The following TUSC3 variants were observed in gnomAD, a reference collection of about 807,000 sequenced individuals.
TUSC3 encodes the protein tumor suppressor candidate 3, also known as dolichyl-diphosphooligosaccharide--protein glycosyltransferase subunit TUSC3.
In TUSC3, 45 loss-of-function variants were observed where a neutral mutation model predicts 44.8. The ratio of observed to expected loss-of-function variants is 1.00; its 90% CI spans 0.79 to 1.29. TUSC3 has a LOEUF of 1.29. Ranked by LOEUF, TUSC3 falls within the 50% of genes most tolerant of loss-of-function variation. The pLI is 0.00. For synonymous variants in TUSC3, 212 were observed against 152.9 expected, an observed-to-expected ratio of 1.39 and a Z score of -2.85; for missense variants, 519 against 437.9, an observed-to-expected ratio of 1.19 and a Z score of -1.65.
At chr8:15,810,103 G>T in the TUSC3 span, among the ~76,000 whole-genome samples, 1 of 152,090 alleles carries the variant, frequency 6.6e-6, no homozygotes, top group Non-Finnish European at 1.5e-5. Flanking sequence ...CTCATAGTGT[G>T]TCCTTGGACC....
intron 1 of TUSC3, among the ~76,000 whole-genome samples, chr8:15,476,272 C>T (rs1196640413): frequency 1.3e-5 from 2 of 152,170 alleles, no homozygotes; most frequent in East Asian, 1.9e-4. Context: ...ATCATAAATA[C>T]ATTTAATCAC....
the TUSC3 span, among the ~76,000 whole-genome samples, chr8:15,842,989 T>G: frequency 4.6e-5 from 7 of 152,224 alleles, no homozygotes; most frequent in Non-Finnish European, 1.5e-5. Context: ...ATTGTTGTTA[T>G]AGTAATTTGT....
At chr8:15,641,046 G>A (rs930239395) in intron 2 of TUSC3, among the ~76,000 whole-genome samples, 5 of 152,144 alleles carry the variant, frequency 3.3e-5, no homozygotes, top group African/African-American at 9.7e-5. Flanking sequence ...TGTGTGCCAT[G>A]TGTGCTCTGT....
At chr8:15,703,863 C>G (rs544570990) in intron 6 of TUSC3, among the ~76,000 whole-genome samples, 88 of 152,230 alleles carry the variant, frequency 5.8e-4, no homozygotes, top group Admixed American at 5.7e-3. Context: ...GACAAACATA[C>G]AAACCATAGC....
At chr8:15,745,416 T>A (rs1312824182) in intron 8 of TUSC3, among the ~76,000 whole-genome samples, 1 of 152,074 alleles carries the variant, frequency 6.6e-6, no homozygotes, top group Non-Finnish European at 1.5e-5. Context: ...CTAATTTACA[T>A]TCCCGACAAC....
Position 15,558,333 on chromosome 8 carries a change from C to G in TUSC3, c.138+17765C>G, listed in dbSNP as rs1359003979. 4.2e-5 allele frequency among the ~76,000 whole-genome samples: 2 copies of G among 47,316 alleles called. 1 individual carries two copies. The highest frequency in any genetic ancestry group is 9.4e-5 in the African/African-American group (2 of 21,230). The allele number at this position is 47,316 out of a possible 152,430, so 31.0% of individuals were successfully genotyped here. ...TATTGATTTGCGTATATTGAACCAG[C>G]CTTGCCGTCCCAGGGATGAAGCCCA... On this transcript the variant is annotated intron_variant, in intron 1 of 10. Coordinates refer to ENST00000503731, the MANE Select transcript of TUSC3 (RefSeq NM_006765.4).
chr8:15,659,901 A>G (rs184545789), intron 4 of TUSC3, among the ~76,000 whole-genome samples: 155 of 152,246 alleles, frequency 1.0e-3, no homozygotes, highest in African/African-American at 3.6e-3. Context: ...TTCAGAGGCT[A>G]AAAAACGTTT....
chr8:15,604,140 A>G (rs1464419598), intron 1 of TUSC3, among the ~76,000 whole-genome samples: 3 of 151,704 alleles, frequency 2.0e-5, no homozygotes, highest in Admixed American at 1.3e-4. Context: ...AAGTTTCAGT[A>G]TGATATTGAG....
At position 15,593,928 on chromosome 8, in the gene TUSC3, A is replaced by G. The variant is rs575241556; in HGVS notation, c.139-29152A>G. Among the ~76,000 whole-genome samples the G allele has an allele frequency of 1.3e-4, 20 of 152,202 alleles. No homozygotes were observed. The South Asian group carries it at 3.5e-3, about 27-fold the overall frequency. On this transcript the variant is annotated intron_variant, in intron 1 of 10. Transcript: ENST00000503731. ...TGCTATAAGCATTAATCTACTCTAT[A>G]AAGTTTTCCCTGATCATTAAAATCA... is the stretch of plus-strand genomic sequence containing the variant.
chr8:15,824,339 C>G, the TUSC3 span, among the ~76,000 whole-genome samples: 1 of 152,146 alleles, frequency 6.6e-6, no homozygotes, highest in African/African-American at 2.4e-5. Context: ...TTTCCTAAAA[C>G]AGGCAACTCC....
At chr8:15,630,578 G>T (rs889267527) in intron 2 of TUSC3, among the ~76,000 whole-genome samples, 1 of 152,130 alleles carries the variant, frequency 6.6e-6, no homozygotes, top group African/African-American at 2.4e-5. Context: ...GCTAGTAACT[G>T]TTCAGGGTTG....
chr8:15,448,117 A>ATATATCTATATATATTTATTTATT lies in TUSC3; in HGVS notation n.91+30815_91+30816insATCTATATATATTTATTTATTTAT, dbSNP rs1276079521. 2.1e-5 allele frequency among the ~76,000 whole-genome samples: 2 copies of ATATATCTATATATATTTATTTATT among 93,782 alleles called. 1 individual carries two copies. Among genetic ancestry groups the ATATATCTATATATATTTATTTATT allele is most frequent in the East Asian group, 5.4e-4 (2 of 3,672 alleles). 61.5% of individuals were successfully genotyped at this position (93,782 alleles called of 152,430 possible). The stretch of plus-strand genomic sequence containing the variant: ...TATGGTAGTGTATATACATATATAT[A>ATATATCTATATATATTTATTTATT]TATTTATTTATTTATTTTTTAGATG... On this transcript the variant is annotated intron_variant and non_coding_transcript_variant, in intron 1 of 5. Coordinates refer to the TUSC3 transcript ENST00000503191.
the TUSC3 span, among the ~76,000 whole-genome samples, chr8:15,813,812 C>G: frequency 6.6e-6 from 1 of 151,912 alleles, no homozygotes; most frequent in African/African-American, 2.4e-5. Flanking sequence ...ATCATTCAGT[C>G]TTAGTGCTAA....
the TUSC3 span, among the ~76,000 whole-genome samples, chr8:15,846,958 T>A: frequency 6.6e-6 from 1 of 151,534 alleles, no homozygotes; most frequent in African/African-American, 2.4e-5. Context: ...TTTTCCACAC[T>A]CCACAGGCAT....
chr8:15,799,620 T>C, the TUSC3 span, among the ~76,000 whole-genome samples: 2 of 152,192 alleles, frequency 1.3e-5, no homozygotes, highest in Non-Finnish European at 2.9e-5. Context: ...TACAATTTGG[T>C]CAACATATTT....
intron 2 of TUSC3, among the ~76,000 whole-genome samples, chr8:15,485,875 C>G (rs1175452142): frequency 6.6e-6 from 1 of 152,130 alleles, no homozygotes; most frequent in East Asian, 1.9e-4. Context: ...TCACTGCAAC[C>G]TCTGCCTCCT....
chr8:15,517,799 G>A (rs529166254), intron 2 of TUSC3, among the ~76,000 whole-genome samples: 11 of 151,892 alleles, frequency 7.2e-5, no homozygotes, highest in South Asian at 6.2e-4. Flanking sequence ...TTCTACCAAT[G>A]TTATCATAAA....
intron 9 of TUSC3, among the ~76,000 whole-genome samples, chr8:15,749,104 C>T (rs1026053264): frequency 7.4e-6 from 1 of 135,272 alleles, no homozygotes; most frequent in African/African-American, 2.7e-5. Flanking sequence ...GCTTTTTCCT[C>T]CTTCAAGTTT....
chr8:15,486,580 G>C (rs1459671267), intron 2 of TUSC3, among the ~76,000 whole-genome samples: 1 of 152,010 alleles, frequency 6.6e-6, no homozygotes, highest in African/African-American at 2.4e-5. Flanking sequence ...AAGTAGCTGG[G>C]ATTACAGGCG....
Sources: allele counts gnomAD v4.1 joint callset (sites outside exome capture counted in the v4.1 genomes callset), GRCh38; gene constraint gnomAD v4.1.1; transcripts MANE v1.5; gene names NCBI Gene and HGNC (gene_info 2026-07-23, HGNC 2026-07-21).